The following PLD1 variants were observed in gnomAD, a reference collection of about 807,000 sequenced individuals.
The protein encoded by PLD1 is phospholipase D1, also known as choline phosphatase 1.
PLD1 carries 112 observed loss-of-function variants against 137.1 expected under a neutral mutation model. That is an observed-to-expected ratio of 0.82 (90% CI 0.70 to 0.96). The LOEUF (loss-of-function observed/expected upper bound fraction) is 0.96. Ranked by LOEUF, PLD1 falls within the 40% of genes least tolerant of loss-of-function variation. The pLI is 0.00. For missense variants in PLD1, 1,321 were observed against 1,342.0 expected (o/e 0.98, Z 0.24); for synonymous variants, 431 against 454.7 (o/e 0.95, Z 0.66).
At position 171,775,699 on chromosome 3, in the gene PLD1, C is replaced by T. The variant is rs137856208; in HGVS notation, c.-32+34700G>A. 4.6e-3 allele frequency among the ~76,000 whole-genome samples: 696 copies of T among 152,062 alleles called. 1 individual carries two copies. Among genetic ancestry groups the T allele is most frequent in the African/African-American group, 0.016 (661 of 41,454 alleles). ...CTCTACTAAAAATACAAAAATTAGCCGGGCGTGGTGGCACACATCTGTAAT... is the reference window on the plus strand; with the variant it reads ...CTCTACTAAAAATACAAAAATTAGCTGGGCGTGGTGGCACACATCTGTAAT... On this transcript the variant is annotated intron_variant, in intron 1 of 26. Coordinates refer to ENST00000351298, the MANE Select transcript of PLD1 (RefSeq NM_002662.5).
rs533812721 is a variant in PLD1, at chr3:171,651,120, T to C, written c.2430-6097A>G. Among the ~76,000 whole-genome samples the C allele has an allele frequency of 7.2e-5, 11 of 152,276 alleles. No individual in the cohort carries two copies. The East Asian group carries it at 1.9e-3, about 27-fold the overall frequency. On this transcript the variant is annotated intron_variant, in intron 21 of 26. Transcript: ENST00000351298. ...AGGAGAAGCTTGATCTGCTCACAAC[T>C]GGGTCTCAGGGTCTGGCAAGAAGGC...
At chr3:171,606,926 C>A (rs1445647618) in intron 25 of PLD1, among the ~76,000 whole-genome samples, 6 of 152,130 alleles carry the variant, frequency 3.9e-5, no homozygotes, top group Non-Finnish European at 8.8e-5. Flanking sequence ...ATTCAAATTA[C>A]TGCAAGAAAG....
chr3:171,715,121 A>G (rs1389559358), intron 8 of PLD1, among the ~76,000 whole-genome samples: 1 of 152,234 alleles, frequency 6.6e-6, no homozygotes, highest in Non-Finnish European at 1.5e-5. Context: ...TATACATTTT[A>G]TAAGAGTTCT....
intron 24 of PLD1, among the ~76,000 whole-genome samples, chr3:171,619,781 T>C (rs1429624917): frequency 6.6e-6 from 1 of 152,056 alleles, no homozygotes; most frequent in Admixed American, 6.6e-5. Context: ...GGCACTTGGA[T>C]TGTAAATAAA....
chr3:171,710,524 T>C (rs1485663406), intron 9 of PLD1, among the ~76,000 whole-genome samples: 1 of 152,170 alleles, frequency 6.6e-6, no homozygotes, highest in Non-Finnish European at 1.5e-5. Context: ...TTCGAGCTTC[T>C]GTGAGAATCT....
At chr3:171,779,722 G>C (rs1426155711) in intron 1 of PLD1, among the ~76,000 whole-genome samples, 1 of 149,622 alleles carries the variant, frequency 6.7e-6, no homozygotes, top group African/African-American at 2.5e-5. Flanking sequence ...ACTGGAGTTT[G>C]GATACATAAG....
intron 16 of PLD1, among the ~76,000 whole-genome samples, chr3:171,679,862 A>G (rs889730820): frequency 2.0e-5 from 3 of 152,216 alleles, no homozygotes; most frequent in African/African-American, 7.2e-5. Flanking sequence ...TCAGAATTAC[A>G]TGAGTGTGGT....
At chr3:171,688,954 C>T in intron 13 of PLD1, 78 bp from the exon 14 acceptor site, 1 of 1,021,562 alleles carries the variant, frequency 9.8e-7, no homozygotes, top group Non-Finnish European at 1.5e-6. Context: ...TCTGTGTTCT[C>T]CCTGAAAAGC....
chr3:171,634,205 T>C (rs1578150591), intron 23 of PLD1, among the ~76,000 whole-genome samples: 1 of 152,188 alleles, frequency 6.6e-6, no homozygotes, highest in South Asian at 2.1e-4. Flanking sequence ...TAAACAGGCT[T>C]AGCATTGAAA....
chr3:171,710,581 T>C (rs182914042), intron 9 of PLD1, among the ~76,000 whole-genome samples: 155 of 152,220 alleles, frequency 1.0e-3, no homozygotes, highest in African/African-American at 3.5e-3. Flanking sequence ...GTGGTAATGC[T>C]CCCTCGCCCA....
chr3:171,687,372 G>A lies in PLD1; in HGVS notation c.1752C>T (p.Ser584=), dbSNP rs761429424. Residue 584 remains serine, a splice_region_variant and synonymous_variant, in exon 15 of 27, where the codon TCC becomes TCT. Coordinates refer to ENST00000351298, the MANE Select transcript of PLD1 (RefSeq NM_002662.5). Reference sequence around the variant, plus strand: ...ATTCTAGTCAAGGCCATGACTTACTGGAGGTGCTGTCAATGCTGCTGATGC... The same window carrying A: ...ATTCTAGTCAAGGCCATGACTTACTAGAGGTGCTGTCAATGCTGCTGATGC... The part of the protein sequence containing the change: ...ADSISSIDST[S]SYFNHYRSHH... 3 of 1,613,008 alleles carry A rather than the reference G, an allele frequency of 1.9e-6. No individual in the cohort carries two copies. The South Asian group carries it at 3.3e-5, about 18-fold the overall frequency.
intron 1 of PLD1, among the ~76,000 whole-genome samples, chr3:171,762,788 C>T (rs1417036173): frequency 6.6e-6 from 1 of 152,144 alleles, no homozygotes; most frequent in Non-Finnish European, 1.5e-5. Context: ...GAAGGACTAG[C>T]AGATTAGGCA....
intron 1 of PLD1, among the ~76,000 whole-genome samples, chr3:171,750,590 G>A (rs765990828): frequency 4.6e-5 from 7 of 152,088 alleles, no homozygotes; most frequent in African/African-American, 7.2e-5. Context: ...AAATTACACC[G>A]AGGTACATTA....
At chr3:171,619,135 A>G (rs549148118) in intron 24 of PLD1, among the ~76,000 whole-genome samples, 1 of 152,304 alleles carries the variant, frequency 6.6e-6, no homozygotes, top group East Asian at 1.9e-4. Context: ...GATGAGCAGA[A>G]TTCCCATTAG....
chr3:171,772,452 T>A (rs1054181053), intron 1 of PLD1, among the ~76,000 whole-genome samples: 2 of 152,180 alleles, frequency 1.3e-5, no homozygotes, highest in Admixed American at 1.3e-4. Flanking sequence ...AATTCACCCA[T>A]GAAAATCCTG....
intron 25 of PLD1, chr3:171,611,517 G>T: frequency 2.0e-6 from 1 of 502,226 alleles, no homozygotes; most frequent in Admixed American, 2.1e-5. Flanking sequence ...GGATCGCACA[G>T]CTGAAACGAG....
rs531738385 is a variant in PLD1 at position 171,791,864 on chromosome 3, C to T, written c.-32+18535G>A. On this transcript the variant is annotated intron_variant, in intron 1 of 26. Transcript: ENST00000351298. ...AAACTTGGGAAACTATAAGCATAAA[C>T]ACAATGGGCCGAAGTGTTCCCAGTG... 66 of 152,244 alleles carry T rather than the reference C, an allele frequency of 4.3e-4. 1 individual carries two copies. The highest frequency in any genetic ancestry group is 1.5e-3 in the African/African-American group (64 of 41,460). 9.4% of individuals were successfully genotyped at this position (152,244 alleles called of 1,614,324 possible).
chr3:171,699,738 T>G lies in PLD1; in HGVS notation c.1227+7A>C. The G allele has an allele frequency of 6.3e-7, 1 of 1,599,060 alleles. No individual in the cohort carries two copies. The highest frequency in any genetic ancestry group is 8.6e-7 in the Non-Finnish European group (1 of 1,166,730). On this transcript the variant is annotated splice_region_variant and intron_variant, in intron 12 of 26. Coordinates refer to ENST00000351298, the MANE Select transcript of PLD1 (RefSeq NM_002662.5). ...ATTATATCAGCATTTTCTGGGAAAGTACATACTGCTTTTCGTTTAAGAATG... is the reference window on the plus strand; with the variant it reads ...ATTATATCAGCATTTTCTGGGAAAGGACATACTGCTTTTCGTTTAAGAATG...
intron 21 of PLD1, among the ~76,000 whole-genome samples, chr3:171,658,141 A>G (rs1480122106): frequency 6.6e-6 from 1 of 152,192 alleles, no homozygotes; most frequent in Non-Finnish European, 1.5e-5. Context: ...CACACCTACT[A>G]GAATGACTAT....
Sources: allele counts gnomAD v4.1 joint callset (sites outside exome capture counted in the v4.1 genomes callset), GRCh38; gene constraint gnomAD v4.1.1; transcripts MANE v1.5; gene names NCBI Gene and HGNC (gene_info 2026-07-23, HGNC 2026-07-21).